The following AZIN1 variants were observed in gnomAD, a reference collection of about 807,000 sequenced individuals.
AZIN1 encodes the protein ornithine decarboxylase antizyme inhibitor.
AZIN1 carries 12 observed loss-of-function variants against 47.4 expected under a neutral mutation model. The ratio of observed to expected loss-of-function variants is 0.25; its 90% CI spans 0.16 to 0.41. AZIN1 has a LOEUF of 0.41. AZIN1 is among the 10% of genes least tolerant of loss of function. AZIN1 has a pLI of 1.00. For missense variants in AZIN1, 410 were observed against 532.4 expected, an observed-to-expected ratio of 0.77 and a Z score of 2.26; for synonymous variants, 155 against 176.3, an observed-to-expected ratio of 0.88 and a Z score of 0.96.
intron 3 of AZIN1, 40 bp downstream of exon 3, chr8:102,843,511 T>G: frequency 1.3e-6 from 2 of 1,548,196 alleles, no homozygotes; most frequent in Non-Finnish European, 1.8e-6. Flanking sequence ...TTTCAGAGCT[T>G]GGAAAATGAC....
chr8:102,839,217 A>G (rs182005501), intron 4 of AZIN1, among the ~76,000 whole-genome samples: 134 of 152,284 alleles, frequency 8.8e-4, no homozygotes, highest in African/African-American at 2.8e-3. Flanking sequence ...AGGTCTCACT[A>G]TGTTGCCCAG....
intron 10 of AZIN1, 51 bp downstream of exon 10, chr8:102,829,770 G>T: frequency 7.5e-7 from 1 of 1,329,228 alleles, no homozygotes; most frequent in Non-Finnish European, 1.1e-6. Context: ...AAAAATAACA[G>T]CTCAGCTTAT....
rs768731284 is a variant in AZIN1, at chr8:102,834,207, A to T, written c.723T>A (p.Thr241=). 9.9e-6 allele frequency: 16 copies of T among 1,612,668 alleles called. No homozygotes were observed. In the Admixed American group the frequency reaches 2.7e-4, roughly 27 times the overall value. ...AGTTTACCTCTTCCAATTGAAATTC[A>T]GTTCCCGTGAATCCTCCACCAATGT... The part of the protein sequence containing the change: ...MLDIGGGFTG[T]EFQLEEVNHV... Residue 241 remains threonine (T), a synonymous_variant, in exon 8 of 12, where the codon ACT becomes ACA. Transcript: ENST00000337198.
At chr8:102,849,096 C>T (rs1812765905) in intron 2 of AZIN1, among the ~76,000 whole-genome samples, 1 of 152,078 alleles carries the variant, frequency 6.6e-6, no homozygotes, top group African/African-American at 2.4e-5. Context: ...GAGATCGAGA[C>T]CATCCTGGCC....
intron 2 of AZIN1, among the ~76,000 whole-genome samples, chr8:102,855,197 C>T (rs1813203217): frequency 1.3e-5 from 2 of 152,170 alleles, no homozygotes; most frequent in Non-Finnish European, 2.9e-5. Context: ...GTTGGCATTA[C>T]AGGCACCTGC....
intron 9 of AZIN1, among the ~76,000 whole-genome samples, chr8:102,830,811 G>A (rs943565472): frequency 6.6e-6 from 1 of 152,202 alleles, no homozygotes; most frequent in Non-Finnish European, 1.5e-5. Flanking sequence ...AGCAGGAGGA[G>A]CAACCAGAGC....
chr8:102,826,338 T>C lies in AZIN1; in HGVS notation c.*2229A>G, dbSNP rs796360279. Reference sequence around the variant, plus strand: ...TGTAAAATTTTACCTCTATTTCAGATAGAAGCCAAAGTAAAACATGAGGAA... The same window carrying C: ...TGTAAAATTTTACCTCTATTTCAGACAGAAGCCAAAGTAAAACATGAGGAA... On this transcript the variant is annotated 3_prime_UTR_variant, in exon 12 of 12. Coordinates refer to ENST00000337198, the MANE Select transcript of AZIN1 (RefSeq NM_148174.4). 6 of 152,768 alleles carry C rather than the reference T, an allele frequency of 3.9e-5. No homozygotes were observed. Among genetic ancestry groups the C allele is most frequent in the African/African-American group, 1.4e-4 (6 of 41,582 alleles). The allele number at this position is 152,768 out of a possible 1,614,324, so 9.5% of individuals were successfully genotyped here. A position where few individuals can be genotyped will look rare whatever the true frequency, so the allele number is the denominator to read the frequency against.
rs148768934 is a variant in AZIN1 at position 102,833,436 on chromosome 8, A to C, written c.742-218T>G. 3.6e-3 allele frequency among the ~76,000 whole-genome samples: 551 copies of C among 152,078 alleles called. 5 individuals are homozygous for C. Among genetic ancestry groups the C allele is most frequent in the Middle Eastern group, 0.017 (5 of 294 alleles). ...TCAGAATGGCATTAATTTTAAAAATAGCTCTAATAACAAATACCCACTGGT... is the reference window on the plus strand; with the variant it reads ...TCAGAATGGCATTAATTTTAAAAATCGCTCTAATAACAAATACCCACTGGT... On this transcript the variant is annotated intron_variant, in intron 8 of 11. Transcript: ENST00000337198.
intron 2 of AZIN1, among the ~76,000 whole-genome samples, chr8:102,849,736 C>A (rs1812808594): frequency 6.6e-6 from 1 of 152,024 alleles, no homozygotes. Flanking sequence ...TAGCGTATAA[C>A]CACAATACTA....
intron 1 of AZIN1, chr8:102,859,328 C>CA (rs1813483876): frequency 6.6e-6 from 1 of 152,194 alleles, no homozygotes; most frequent in Non-Finnish European, 1.5e-5. Context: ...AGATCATTCT[C>CA]AATTATCCTA....
chr8:102,845,904 AT>A (rs1361161041), intron 2 of AZIN1, among the ~76,000 whole-genome samples: 3 of 151,946 alleles, frequency 2.0e-5, no homozygotes, highest in Non-Finnish European at 2.9e-5. Flanking sequence ...AAACGAAACC[AT>A]TTTTTTTCTT....
intron 3 of AZIN1, among the ~76,000 whole-genome samples, chr8:102,843,297 C>T (rs1484993719): frequency 2.7e-5 from 4 of 150,710 alleles, no homozygotes; most frequent in Non-Finnish European, 4.4e-5. Flanking sequence ...ACAGAATAAA[C>T]AGAACATATG....
chr8:102,836,654 C>G (rs1811842125), intron 5 of AZIN1: 2 of 370,278 alleles, frequency 5.4e-6, no homozygotes, highest in Non-Finnish European at 9.7e-6. Flanking sequence ...GTTGGTTGGG[C>G]TCTGTAATGA....
chr8:102,836,928 G>A (rs1811859286), intron 5 of AZIN1, among the ~76,000 whole-genome samples: 2 of 151,624 alleles, frequency 1.3e-5, no homozygotes, highest in African/African-American at 4.8e-5. Context: ...TTTCTGAGAT[G>A]GAGTTTCACT....
chr8:102,861,265 T>C (rs1235705847), intron 1 of AZIN1, among the ~76,000 whole-genome samples: 3 of 152,124 alleles, frequency 2.0e-5, no homozygotes, highest in African/African-American at 7.2e-5. Flanking sequence ...GCTGCTCTTG[T>C]CCCCCAGGCT....
intron 2 of AZIN1, among the ~76,000 whole-genome samples, chr8:102,852,475 T>C (rs1812974289): frequency 6.6e-6 from 1 of 152,148 alleles, no homozygotes; most frequent in Non-Finnish European, 1.5e-5. Flanking sequence ...CTTGGGAGGC[T>C]GAGGCAGGAG....
chr8:102,858,277 A>T, intron 1 of AZIN1, 127 bp from the exon 2 acceptor site: 1 of 392,512 alleles, frequency 2.5e-6, no homozygotes, highest in Admixed American at 4.4e-5. Context: ...CACATTACAC[A>T]AGTGATATTT....
intron 2 of AZIN1, among the ~76,000 whole-genome samples, chr8:102,852,028 T>C (rs146308376): frequency 1.5e-3 from 222 of 152,326 alleles, no homozygotes; most frequent in African/African-American, 5.1e-3. Context: ...GAAGGAGCTC[T>C]TCATGAATTT....
At chr8:102,851,301 A>T (rs1812902613) in intron 2 of AZIN1, among the ~76,000 whole-genome samples, 1 of 152,226 alleles carries the variant, frequency 6.6e-6, no homozygotes, top group Admixed American at 6.5e-5. Flanking sequence ...TATTTTGGTT[A>T]CCTTAAGGCA....
Sources: gnomAD v4.1 joint callset for allele counts (sites outside exome capture counted in the v4.1 genomes callset) on GRCh38, gnomAD v4.1.1 for gene constraint, MANE v1.5 for transcripts, NCBI Gene and HGNC (gene_info 2026-07-23, HGNC 2026-07-21) for gene names.